SEPTIN9: variants seen among roughly 807,000 people sequenced by gnomAD.
The protein encoded by SEPTIN9 is septin-9.
In SEPTIN9, 13 loss-of-function variants were observed where a neutral mutation model predicts 56.6. The observed-to-expected ratio is 0.23, with a 90% CI of 0.15 to 0.37. SEPTIN9 has a LOEUF of 0.37. SEPTIN9 is among the 10% of genes least tolerant of loss of function. The pLI is 1.00. For missense variants in SEPTIN9, 650 were observed against 823.1 expected, an observed-to-expected ratio of 0.79 and a Z score of 2.57; for synonymous variants, 332 against 334.1, an observed-to-expected ratio of 0.99 and a Z score of 0.07.
At chr17:77,454,634 G>A (rs1038711876) in intron 3 of SEPTIN9, among the ~76,000 whole-genome samples, 2 of 152,236 alleles carry the variant, frequency 1.3e-5, no homozygotes, top group Non-Finnish European at 2.9e-5. Flanking sequence ...CTGTAGAGCA[G>A]CAGTGGGAAC....
Position 77,475,327 on chromosome 17 carries a change from G to A in SEPTIN9, c.722-6817G>A. ...AGGGCAAGCCCTGGTTGCGAGGCAGGGCTTCCCCAGGATTCAGCAGGGATC... is the reference window on the plus strand; with the variant it reads ...AGGGCAAGCCCTGGTTGCGAGGCAGAGCTTCCCCAGGATTCAGCAGGGATC... On this transcript the variant is annotated intron_variant, in intron 3 of 11. Coordinates refer to ENST00000427177, the MANE Select transcript of SEPTIN9 (RefSeq NM_001113491.2). This position sits in a 1 kb window ranked among gnomAD's most constrained non-coding sequence, Gnocchi z 4.6. 7.0e-7 allele frequency: 1 copy of A among 1,428,020 alleles called. No homozygotes were observed. The highest frequency in any genetic ancestry group is 1.4e-5 in the African/African-American group (1 of 69,690). 88.5% of individuals were successfully genotyped at this position (1,428,020 alleles called of 1,614,324 possible).
At chr17:77,344,748 G>C (rs2033835212) in intron 2 of SEPTIN9, among the ~76,000 whole-genome samples, 1 of 152,204 alleles carries the variant, frequency 6.6e-6, no homozygotes, top group Admixed American at 6.5e-5. Flanking sequence ...GAGGTGGGCA[G>C]ATCACTTGAG....
At position 77,475,842 on chromosome 17, in the gene SEPTIN9, C is replaced by T; in HGVS notation, c.722-6302C>T. On this transcript the variant is annotated intron_variant, in intron 3 of 11. Coordinates refer to ENST00000427177, the MANE Select transcript of SEPTIN9 (RefSeq NM_001113491.2). This position sits in a 1 kb window ranked among gnomAD's most constrained non-coding sequence, Gnocchi z 4.6. ...GCCTGGTCAGTGGCTTCACAGGCCT[C>T]CGTGGGCAGGAGGAGGATGACCTTG... is the stretch of plus-strand genomic sequence containing the variant. 6.2e-7 allele frequency: 1 copy of T among 1,613,566 alleles called. No homozygotes were observed. Among genetic ancestry groups the T allele is most frequent in the East Asian group, 2.2e-5 (1 of 44,878 alleles).
In SEPTIN9 at chr17:77,500,397, T is replaced by TGGGGGGGGGGGGGGGGGGGGGGG; in HGVS notation, c.*1742_*1743insGGGGGGGGGGGGGGGGGGGGGGG. The TGGGGGGGGGGGGGGGGGGGGGGG allele has an allele frequency of 1.8e-5, 3 of 163,260 alleles. No homozygotes were observed. The highest frequency in any genetic ancestry group is 3.9e-5 in the Non-Finnish European group (3 of 76,558). 10.1% of individuals were successfully genotyped at this position (163,260 alleles called of 1,614,324 possible). On this transcript the variant is annotated 3_prime_UTR_variant, in exon 12 of 12. Transcript: ENST00000427177. ...ACTTGGTGGCGGGGTGGGGTGGGGG[T>TGGGGGGGGGGGGGGGGGGGGGGG]GGGCAGCAGCATCCCAGCCTTGAGA...
At chr17:77,432,668 G>A (rs781672175) in intron 3 of SEPTIN9, among the ~76,000 whole-genome samples, 9 of 152,358 alleles carry the variant, frequency 5.9e-5, no homozygotes, top group East Asian at 3.9e-4. Context: ...GGGACTGAGC[G>A]GGGGGTGTGT....
In SEPTIN9 at chr17:77,369,741, CT is replaced by C. The variant is rs2143893543; in HGVS notation, c.77-32317del. Among the ~76,000 whole-genome samples the C allele has an allele frequency of 6.6e-6, 1 of 152,328 alleles. No homozygotes were observed. Among genetic ancestry groups the C allele is most frequent in the African/African-American group, 2.4e-5 (1 of 41,564 alleles). On this transcript the variant is annotated intron_variant, in intron 2 of 11. Transcript: ENST00000427177. The surrounding 1 kb of genome is among the most constrained non-coding windows in gnomAD (Gnocchi z 4.9). ...CCTCAGTGTTGCTGGGAGAAAGCCC[CT>C]CACCTTCCTTCGCTCTCCGAGCCTC...
At chr17:77,477,060 TC>T (rs1480249221) in intron 3 of SEPTIN9, among the ~76,000 whole-genome samples, 1 of 152,132 alleles carries the variant, frequency 6.6e-6, no homozygotes, top group African/African-American at 2.4e-5. Flanking sequence ...CTGCCTTCTT[TC>T]CCTTCTTCCG....
intron 2 of SEPTIN9, among the ~76,000 whole-genome samples, chr17:77,314,583 T>G (rs1180551465): frequency 6.6e-6 from 1 of 152,110 alleles, no homozygotes; most frequent in Admixed American, 6.5e-5. Flanking sequence ...TGAGGGGACA[T>G]GGAAGATGGC....
At chr17:77,471,714 T>G (rs1048463517) in intron 3 of SEPTIN9, among the ~76,000 whole-genome samples, 4 of 152,238 alleles carry the variant, frequency 2.6e-5, no homozygotes, top group Non-Finnish European at 5.9e-5. Flanking sequence ...GGAACTTTTC[T>G]TTCTCTTTGT....
intron 2 of SEPTIN9, among the ~76,000 whole-genome samples, chr17:77,386,002 GCCCTT>G (rs2035323631): frequency 6.6e-6 from 1 of 152,188 alleles, no homozygotes; most frequent in African/African-American, 2.4e-5. Context: ...TTTCGGTCCA[GCCCTT>G]CCTGTTCCTC....
chr17:77,497,224 G>T, intron 10 of SEPTIN9, 91 bp from the exon 11 acceptor site: 1 of 1,338,850 alleles, frequency 7.5e-7, no homozygotes, highest in East Asian at 2.4e-5. Flanking sequence ...TCTGCTTTTG[G>T]CACCAGCATT....
intron 3 of SEPTIN9, among the ~76,000 whole-genome samples, chr17:77,466,247 A>G (rs1481366627): frequency 6.6e-6 from 1 of 152,238 alleles, no homozygotes; most frequent in Non-Finnish European, 1.5e-5. Flanking sequence ...GTAGTCTGTT[A>G]CCATCCCTCA....
intron 1 of SEPTIN9, among the ~76,000 whole-genome samples, chr17:77,304,177 T>A (rs993404723): frequency 2.0e-5 from 3 of 152,252 alleles, no homozygotes; most frequent in East Asian, 1.9e-4. Context: ...CAGAGGTCCC[T>A]TCCTGGGAAC....
rs932988422 is a variant in SEPTIN9, at chr17:77,488,713, C to G, written c.1125-14C>G. 10 of 1,613,522 alleles carry G rather than the reference C, an allele frequency of 6.2e-6. No homozygotes were observed. Among genetic ancestry groups the G allele is most frequent in the Non-Finnish European group, 8.5e-6 (10 of 1,179,870 alleles). On this transcript the variant is annotated splice_polypyrimidine_tract_variant and intron_variant, in intron 6 of 11. Transcript: ENST00000427177. ...TCTCATGTGCCTGCTGACTCGTCCC[C>G]ATCCCCCACGCAGCTGGCAGCCCAT...
intron 4 of SEPTIN9, among the ~76,000 whole-genome samples, chr17:77,485,089 ATGG>A (rs1373710664): frequency 1.7e-4 from 2 of 12,118 alleles, no homozygotes; most frequent in Non-Finnish European, 3.8e-4. Context: ...TAAAGGGGTG[ATGG>A]TGGTGATTGT....
chr17:77,328,544 T>G (rs1173288246), intron 2 of SEPTIN9, among the ~76,000 whole-genome samples: 2 of 152,176 alleles, frequency 1.3e-5, no homozygotes, highest in Non-Finnish European at 2.9e-5. Flanking sequence ...TTTTGTATTT[T>G]TAGTAGAGAT....
chr17:77,379,525 C>A (rs1350291387), intron 2 of SEPTIN9, among the ~76,000 whole-genome samples: 1 of 152,136 alleles, frequency 6.6e-6, no homozygotes, highest in Non-Finnish European at 1.5e-5. Context: ...GGTGCTGTTC[C>A]CTGATAGCCT....
intron 2 of SEPTIN9, chr17:77,320,376 C>A: frequency 6.3e-7 from 1 of 1,592,054 alleles, no homozygotes; most frequent in Non-Finnish European, 8.6e-7. Flanking sequence ...TCCCCATCGG[C>A]CGCCCCCCAC....
rs772797213 is a variant in SEPTIN9 at position 77,281,510 on chromosome 17, C to T, written c.-26C>T. ...CCCGCTGCCTCGCCGCCACACTTTCCTGGGAGCGGCGGCCACGGAGGCACC... is the reference window on the plus strand; with the variant it reads ...CCCGCTGCCTCGCCGCCACACTTTCTTGGGAGCGGCGGCCACGGAGGCACC... On this transcript the variant is annotated 5_prime_UTR_variant, in exon 1 of 12. Coordinates refer to ENST00000427177, the MANE Select transcript of SEPTIN9 (RefSeq NM_001113491.2). 44 of 1,547,068 alleles carry T rather than the reference C, an allele frequency of 2.8e-5. No individual in the cohort carries two copies. Among genetic ancestry groups the T allele is most frequent in the Non-Finnish European group, 3.8e-5 (43 of 1,146,086 alleles).
Sources: allele counts gnomAD v4.1 joint callset (sites outside exome capture counted in the v4.1 genomes callset), GRCh38; gene constraint gnomAD v4.1.1; non-coding constraint Gnocchi (gnomAD v3.1); transcripts MANE v1.5; gene names NCBI Gene and HGNC (gene_info 2026-07-23, HGNC 2026-07-21).